PDS5B: variants seen among roughly 807,000 people sequenced by gnomAD.
The protein encoded by PDS5B is sister chromatid cohesion protein PDS5 homolog B.
In PDS5B, 51 loss-of-function variants were observed where a neutral mutation model predicts 184.1. The ratio of observed to expected loss-of-function variants is 0.28; its 90% CI spans 0.22 to 0.35. The LOEUF (loss-of-function observed/expected upper bound fraction) is 0.35, where lower values mean the gene tolerates loss of function less well. Ranked by LOEUF, PDS5B falls within the 10% of genes least tolerant of loss-of-function variation. PDS5B has a pLI of 1.00. For missense variants in PDS5B, 1,180 were observed against 1,723.3 expected, an observed-to-expected ratio of 0.68 and a Z score of 5.58; for synonymous variants, 566 against 569.2, an observed-to-expected ratio of 0.99 and a Z score of 0.08.
chr13:32,748,416 C>T (rs1426653937), intron 24 of PDS5B, among the ~76,000 whole-genome samples: 1 of 151,010 alleles, frequency 6.6e-6, no homozygotes, highest in Non-Finnish European at 1.5e-5. Context: ...TGGTTTCTGT[C>T]TCTTGATTGT....
chr13:32,607,963 G>A (rs969516848), intron 1 of PDS5B, among the ~76,000 whole-genome samples: 1 of 152,202 alleles, frequency 6.6e-6, no homozygotes, highest in South Asian at 2.1e-4. Flanking sequence ...GTCTGTCATG[G>A]CTTCCCTTGG....
chr13:32,714,406 A>G (rs1397654396), intron 19 of PDS5B, among the ~76,000 whole-genome samples: 1 of 152,154 alleles, frequency 6.6e-6, no homozygotes, highest in Non-Finnish European at 1.5e-5. Flanking sequence ...CATTGATAAC[A>G]TCTTATCAGG....
chr13:32,607,102 G>A (rs1294774711), intron 1 of PDS5B, among the ~76,000 whole-genome samples: 35 of 152,208 alleles, frequency 2.3e-4, no homozygotes, highest in Non-Finnish European at 5.9e-5. Flanking sequence ...CATTGCTGGC[G>A]AAGAGCTGTG....
At chr13:32,704,386 C>A (rs1328513894) in intron 17 of PDS5B, among the ~76,000 whole-genome samples, 1 of 152,216 alleles carries the variant, frequency 6.6e-6, no homozygotes, top group Non-Finnish European at 1.5e-5. Flanking sequence ...CCAGGCTTGT[C>A]TTGAACTCCT....
intron 19 of PDS5B, among the ~76,000 whole-genome samples, chr13:32,715,399 C>G (rs1348581487): frequency 1.3e-5 from 2 of 152,168 alleles, no homozygotes; most frequent in African/African-American, 4.8e-5. Flanking sequence ...CTTATGCCCT[C>G]TAAATCTAGA....
chr13:32,747,920 C>G (rs1370198802), intron 24 of PDS5B, among the ~76,000 whole-genome samples: 1 of 152,136 alleles, frequency 6.6e-6, no homozygotes, highest in African/African-American at 2.4e-5. Flanking sequence ...GGTAAATGTC[C>G]ACTCTAAGTA....
chr13:32,765,863 A>G (rs1954569853), intron 31 of PDS5B, among the ~76,000 whole-genome samples: 1 of 152,340 alleles, frequency 6.6e-6, no homozygotes, highest in South Asian at 2.1e-4. Context: ...TGGCCTCCCA[A>G]AGTGCTGGGA....
intron 1 of PDS5B, among the ~76,000 whole-genome samples, chr13:32,603,536 T>TC (rs1286718179): frequency 2.6e-5 from 4 of 152,246 alleles, no homozygotes. Context: ...GTGTGATGCC[T>TC]CCAGCTTTGT....
chr13:32,645,674 G>T (rs9315173), intron 1 of PDS5B, among the ~76,000 whole-genome samples: 66,655 of 151,960 alleles, frequency 0.44, 15,007 homozygotes, highest in African/African-American at 0.5. Flanking sequence ...TTTAAAAAAT[G>T]TAAATGTCTG....
At chr13:32,641,500 C>A (rs1405883042) in intron 1 of PDS5B, among the ~76,000 whole-genome samples, 2 of 152,048 alleles carry the variant, frequency 1.3e-5, no homozygotes, top group South Asian at 2.1e-4. Context: ...CTATATGTCA[C>A]CCCTCCATTT....
intron 1 of PDS5B, among the ~76,000 whole-genome samples, chr13:32,610,698 C>T (rs1310068839): frequency 6.6e-6 from 1 of 151,398 alleles, no homozygotes; most frequent in Non-Finnish European, 1.5e-5. Context: ...TCTGGAACTT[C>T]ACTGTGTTTG....
At chr13:32,735,619 A>G (rs1953304465) in intron 21 of PDS5B, among the ~76,000 whole-genome samples, 1 of 152,188 alleles carries the variant, frequency 6.6e-6, no homozygotes, top group South Asian at 2.1e-4. Flanking sequence ...TTGACAGGAC[A>G]TCTATTTTTA....
chr13:32,704,664 T>C (rs931634192), intron 17 of PDS5B, among the ~76,000 whole-genome samples: 7 of 152,190 alleles, frequency 4.6e-5, no homozygotes, highest in African/African-American at 9.6e-5. Flanking sequence ...TCCCTTTGGT[T>C]CTTTAGTCTT....
chr13:32,749,660 A>G (rs1026373868), intron 24 of PDS5B, among the ~76,000 whole-genome samples: 2 of 152,210 alleles, frequency 1.3e-5, no homozygotes, highest in African/African-American at 2.4e-5. Context: ...AACAGAAAAT[A>G]GAGATGTATC....
chr13:32,650,719 GT>G (rs1334090484), intron 2 of PDS5B: 1 of 152,186 alleles, frequency 6.6e-6, no homozygotes, highest in Non-Finnish European at 1.5e-5. Flanking sequence ...TCTACTGTTG[GT>G]TCTGGTATCT....
At chr13:32,640,164 G>A (rs2058634097) in intron 1 of PDS5B, among the ~76,000 whole-genome samples, 2 of 152,000 alleles carry the variant, frequency 1.3e-5, no homozygotes, top group South Asian at 4.1e-4. Context: ...CTTGTACTCA[G>A]TGTGATTAAA....
At chr13:32,718,935 T>TA (rs1172235138) in intron 19 of PDS5B, among the ~76,000 whole-genome samples, 6 of 152,226 alleles carry the variant, frequency 3.9e-5, no homozygotes, top group Non-Finnish European at 8.8e-5. Flanking sequence ...AAAGGTACGT[T>TA]ACCTAGTAAA....
At chr13:32,760,457 A>T in intron 29 of PDS5B, 118 bp from the exon 30 acceptor site, 2 of 902,504 alleles carry the variant, frequency 2.2e-6, no homozygotes, top group East Asian at 2.6e-5. Context: ...TTAAGGATAG[A>T]CACATTTTTC....
At chr13:32,668,529 C>T (rs1237009677) in intron 7 of PDS5B, among the ~76,000 whole-genome samples, 1 of 152,114 alleles carries the variant, frequency 6.6e-6, no homozygotes, top group Non-Finnish European at 1.5e-5. Flanking sequence ...TTGAGTTCTA[C>T]AGATTTAGGT....
Sources: gnomAD v4.1 joint callset for allele counts (sites outside exome capture counted in the v4.1 genomes callset) on GRCh38, gnomAD v4.1.1 for gene constraint, MANE v1.5 for transcripts, NCBI Gene and HGNC (gene_info 2026-07-23, HGNC 2026-07-21) for gene names.